The following NEDD9 variants were observed in gnomAD, a reference collection of about 807,000 sequenced individuals.
The protein encoded by NEDD9 is enhancer of filamentation 1.
Under a neutral mutation model 76.6 loss-of-function variants are expected in NEDD9, and 26 were observed. The ratio of observed to expected loss-of-function variants is 0.34; its 90% CI spans 0.25 to 0.47. The LOEUF is 0.47. NEDD9 is among the 20% of genes least tolerant of loss of function. NEDD9 has a pLI of 1.00. For synonymous variants in NEDD9, 392 were observed against 414.2 expected (o/e 0.95, Z 0.65); for missense variants, 937 against 1,058.5 (o/e 0.89, Z 1.59).
intron 3 of NEDD9, among the ~76,000 whole-genome samples, chr6:11,262,961 T>G (rs1463738223): frequency 6.6e-6 from 1 of 152,242 alleles, no homozygotes; most frequent in Non-Finnish European, 1.5e-5. Context: ...ATTCAATTTT[T>G]TTCCCATTTC....
At position 11,351,044 on chromosome 6, in the gene NEDD9, A is replaced by G. The variant is rs553663698; in HGVS notation, c.-213-16483T>C. Among the ~76,000 whole-genome samples the G allele has an allele frequency of 2.0e-5, 3 of 152,302 alleles. 1 individual carries two copies. In the East Asian group the frequency reaches 5.8e-4, roughly 29 times the overall value. ...AATCAGCATTTCTATCACCTCACAG[A>G]GTTGCCATTTTCTTTTGAGAAGTGG... On this transcript the variant is annotated intron_variant, in intron 1 of 3. Transcript: ENST00000397378.
chr6:11,299,960 A>G (rs1760999471), intron 3 of NEDD9, among the ~76,000 whole-genome samples: 1 of 152,238 alleles, frequency 6.6e-6, no homozygotes, highest in Non-Finnish European at 1.5e-5. Context: ...TCTCCTCCAA[A>G]GGATTGCAGC....
At chr6:11,310,633 A>G (rs1761337371) in intron 2 of NEDD9, among the ~76,000 whole-genome samples, 1 of 152,186 alleles carries the variant, frequency 6.6e-6, no homozygotes, top group Non-Finnish European at 1.5e-5. Flanking sequence ...AAATGAGAGT[A>G]GATTATCTTC....
At chr6:11,295,547 C>G (rs181419458) in intron 3 of NEDD9, among the ~76,000 whole-genome samples, 1 of 152,292 alleles carries the variant, frequency 6.6e-6, no homozygotes, top group African/African-American at 2.4e-5. Context: ...AGAGTCCCCT[C>G]TTGAGATTGT....
chr6:11,367,849 G>A (rs1364734746), intron 1 of NEDD9, among the ~76,000 whole-genome samples: 2 of 152,206 alleles, frequency 1.3e-5, no homozygotes, highest in Non-Finnish European at 2.9e-5. Context: ...TAGCCATTTC[G>A]GCACCTTCTA....
chr6:11,283,620 C>A (rs954557895), intron 3 of NEDD9, among the ~76,000 whole-genome samples: 6 of 152,174 alleles, frequency 3.9e-5, no homozygotes, highest in African/African-American at 1.4e-4. Flanking sequence ...ACTCTTCTTG[C>A]AAGAGAGGAA....
chr6:11,191,058 C>G lies in NEDD9; in HGVS notation c.811G>C (p.Ala271Pro), dbSNP rs149032299. Residue 271 changes from alanine (A) to proline (P), a missense_variant, in exon 5 of 7, where the codon GCA (alanine) becomes CCA (proline). Physicochemically the swap from Ala to Pro is conservative, Grantham distance 27. Coordinates refer to ENST00000379446, the MANE Select transcript of NEDD9 (RefSeq NM_006403.4). ...YDIPPTCTKPAGKDLHVKYNC... is the reference protein window; with the variant it reads ...YDIPPTCTKPPGKDLHVKYNC... ...TATTTTACATGAAGGTCCTTCCCTG[C>G]TGGCTTGGTGCAGGTTGGAGGAATG... 2.4e-5 allele frequency: 38 copies of G among 1,613,888 alleles called. No individual in the cohort carries two copies. Among genetic ancestry groups the G allele is most frequent in the Middle Eastern group, 3.3e-4 (2 of 6,084 alleles).
Position 11,237,867 on chromosome 6 carries a change from G to A in NEDD9, c.13-24140C>T, listed in dbSNP as rs1374819313. ...TCCACATCTACAGGGGAACAATCTG[G>A]AAGCTGAGTGAGTGCTAGACCAGAG... On this transcript the variant is annotated intron_variant, in intron 3 of 3. Coordinates refer to the NEDD9 transcript ENST00000397378. The surrounding 1 kb of genome is among the most constrained non-coding windows in gnomAD (Gnocchi z 4.9). 1.3e-5 allele frequency among the ~76,000 whole-genome samples: 2 copies of A among 152,192 alleles called. No individual in the cohort carries two copies. The highest frequency in any genetic ancestry group is 2.9e-5 in the Non-Finnish European group (2 of 68,040).
chr6:11,223,727 G>A (rs9468677), intron 1 of NEDD9, among the ~76,000 whole-genome samples: 4 of 152,294 alleles, frequency 2.6e-5, no homozygotes, highest in South Asian at 2.1e-4. Flanking sequence ...CAAATCCCCC[G>A]CACTGCTTAA....
At chr6:11,189,912 G>C in intron 5 of NEDD9, 52 bp downstream of exon 5, 2 of 1,495,598 alleles carry the variant, frequency 1.3e-6, no homozygotes, top group Non-Finnish European at 1.8e-6. Context: ...ATCTTTCTCA[G>C]GCTCCCTGCA....
upstream of NEDD9, among the ~76,000 whole-genome samples, chr6:11,235,625 A>G (rs1460014211): frequency 6.6e-6 from 1 of 152,226 alleles, no homozygotes; most frequent in Admixed American, 6.5e-5. This position sits in a 1 kb window ranked among gnomAD's most constrained non-coding sequence, Gnocchi z 4.1. Context: ...GTATTATTTT[A>G]GATAAAGTGG....
At chr6:11,229,589 C>T (rs937654542) in intron 1 of NEDD9, among the ~76,000 whole-genome samples, 1 of 152,172 alleles carries the variant, frequency 6.6e-6, no homozygotes, top group African/African-American at 2.4e-5. Flanking sequence ...CGCCAGCCCC[C>T]GCCCAATTAA....
intron 3 of NEDD9, among the ~76,000 whole-genome samples, chr6:11,240,528 C>G (rs1472640048): frequency 1.3e-5 from 2 of 152,138 alleles, no homozygotes; most frequent in Non-Finnish European, 2.9e-5. Context: ...AAAAACCTAG[C>G]CAGACCACCT....
At position 11,241,948 on chromosome 6, in the gene NEDD9, G is replaced by A. The variant is rs866242668; in HGVS notation, c.13-28221C>T. 1.6e-4 allele frequency among the ~76,000 whole-genome samples: 25 copies of A among 152,164 alleles called. No homozygotes were observed. Among genetic ancestry groups the A allele is most frequent in the African/African-American group, 5.8e-4 (24 of 41,434 alleles). ...GAGAGGCGGGTGAGAGGAATGTGGC[G>A]GGAACACAGCACACCCTGCACGGTT... On this transcript the variant is annotated intron_variant, in intron 3 of 3. Coordinates refer to the NEDD9 transcript ENST00000397378. The surrounding 1 kb of genome is among the most constrained non-coding windows in gnomAD (Gnocchi z 4.0).
chr6:11,348,254 C>T (rs1426286224), intron 1 of NEDD9, among the ~76,000 whole-genome samples: 1 of 152,136 alleles, frequency 6.6e-6, no homozygotes, highest in Non-Finnish European at 1.5e-5. Flanking sequence ...ATGAGAACTA[C>T]AAAACACTGC....
chr6:11,264,904 G>T (rs1373494769), intron 3 of NEDD9, among the ~76,000 whole-genome samples: 3 of 152,014 alleles, frequency 2.0e-5, no homozygotes, highest in Non-Finnish European at 4.4e-5. Flanking sequence ...TTACTGTATT[G>T]CCCAGGCTGG....
Position 11,190,212 on chromosome 6 carries a change from C to T in NEDD9, c.1657G>A (p.Ala553Thr), listed in dbSNP as rs373356821. The T allele has an allele frequency of 2.2e-5, 36 of 1,614,062 alleles. No individual in the cohort carries two copies. Among genetic ancestry groups the T allele is most frequent in the South Asian group, 2.2e-4 (20 of 91,086 alleles). The stretch of plus-strand genomic sequence containing the variant: ...GGGCCGGGTCTGAAGAGGGCCTCTG[C>T]GTTGGTGTTGATGGTTGTGGTGAGC... ...KQLTTTINTNAEALFRPGPGS... is the reference protein window; with the variant it reads ...KQLTTTINTNTEALFRPGPGS... The change falls in exon 5 of 7, where the codon GCA (alanine) becomes ACA (threonine). Residue 553 changes from alanine to threonine, a missense_variant. Transcript: ENST00000379446. This position sits in a 1 kb window ranked among gnomAD's most constrained non-coding sequence, Gnocchi z 5.8.
chr6:11,292,754 G>A (rs151176926), intron 3 of NEDD9, among the ~76,000 whole-genome samples: 3 of 152,356 alleles, frequency 2.0e-5, no homozygotes, highest in African/African-American at 7.2e-5. Flanking sequence ...TCTCTGTGAT[G>A]TGATGTGCAG....
chr6:11,206,184 C>T (rs1474960018), intron 2 of NEDD9, among the ~76,000 whole-genome samples: 1 of 151,934 alleles, frequency 6.6e-6, no homozygotes, highest in Non-Finnish European at 1.5e-5. Context: ...TTTGGGAGGC[C>T]GAGGTGGGCA....
Sources: allele counts gnomAD v4.1 joint callset (sites outside exome capture counted in the v4.1 genomes callset), GRCh38; gene constraint gnomAD v4.1.1; non-coding constraint Gnocchi (gnomAD v3.1); transcripts MANE v1.5; gene names NCBI Gene and HGNC (gene_info 2026-07-23, HGNC 2026-07-21).